The following DLG2 variants were observed in gnomAD, a reference collection of about 807,000 sequenced individuals.
DLG2 encodes discs large MAGUK scaffold protein 2, also known as disks large homolog 2.
Under a neutral mutation model 132.5 loss-of-function variants are expected in DLG2, and 45 were observed. That is an observed-to-expected ratio of 0.34 (90% CI 0.27 to 0.44). DLG2 has a LOEUF of 0.44. DLG2 is among the 20% of genes least tolerant of loss of function. DLG2 has a pLI of 1.00. For missense variants in DLG2, 1,045 were observed against 1,196.9 expected (o/e 0.87, Z 1.87); for synonymous variants, 424 against 419.6 (o/e 1.01, Z -0.13).
chr11:84,582,214 TA>T (rs1390006817), intron 6 of DLG2, among the ~76,000 whole-genome samples: 2 of 151,436 alleles, frequency 1.3e-5, no homozygotes, highest in Non-Finnish European at 2.9e-5. Flanking sequence ...GGCAAGGTAA[TA>T]AAAATTATAC....
chr11:83,753,831 A>G, intron 18 of DLG2, among the ~76,000 whole-genome samples: 1 of 15,242 alleles, frequency 6.6e-5, no homozygotes, highest in African/African-American at 6.2e-4. Flanking sequence ...TTTCATATAT[A>G]TATGATATAT....
chr11:85,582,617 A>C (rs2153229082), intron 3 of DLG2, among the ~76,000 whole-genome samples: 1 of 129,004 alleles, frequency 7.8e-6, no homozygotes, highest in South Asian at 2.8e-4. Flanking sequence ...TGAGGTCAGG[A>C]GTTCGAGACC....
intron 14 of DLG2, among the ~76,000 whole-genome samples, chr11:83,938,246 G>A (rs1356938392): frequency 6.6e-6 from 1 of 152,182 alleles, no homozygotes; most frequent in African/African-American, 2.4e-5. Flanking sequence ...GGGACAGCAG[G>A]AAGTGAAAGC....
chr11:84,371,996 T>G (rs867667412), intron 7 of DLG2, among the ~76,000 whole-genome samples: 2 of 152,242 alleles, frequency 1.3e-5, no homozygotes, highest in South Asian at 2.1e-4. Context: ...CAGATCTTCT[T>G]GTTAGGTGTC....
chr11:84,690,961 A>C (rs1355616161), intron 6 of DLG2, among the ~76,000 whole-genome samples: 1 of 151,892 alleles, frequency 6.6e-6, no homozygotes, highest in African/African-American at 2.4e-5. Context: ...TATAACATTG[A>C]CATAAAGAAA....
intron 6 of DLG2, among the ~76,000 whole-genome samples, chr11:84,907,326 T>C (rs1390851943): frequency 2.6e-5 from 4 of 152,234 alleles, no homozygotes; most frequent in African/African-American, 7.2e-5. Context: ...AATATATATG[T>C]AAAGAAAGAG....
At chr11:83,976,449 G>T (rs2092230946) in intron 12 of DLG2, among the ~76,000 whole-genome samples, 1 of 151,952 alleles carries the variant, frequency 6.6e-6, no homozygotes, top group Non-Finnish European at 1.5e-5. Context: ...TCCTTTGTGG[G>T]AGGAGAGTAG....
Position 85,577,334 on chromosome 11 carries a change from G to A in DLG2, c.40+21323C>T, listed in dbSNP as rs967713833. Among the ~76,000 whole-genome samples the A allele has an allele frequency of 6.6e-5, 10 of 152,128 alleles. No homozygotes were observed. In the South Asian group the frequency reaches 1.7e-3, roughly 25 times the overall value. ...AGATAGTAAGAAATGGTAGGATTCC[G>A]GACTTAACTGGAAATTCTGCCAACA... On this transcript the variant is annotated intron_variant, in intron 3 of 27. Transcript: ENST00000376104.
intron 9 of DLG2, among the ~76,000 whole-genome samples, chr11:84,138,746 C>A (rs2094709957): frequency 6.6e-6 from 1 of 151,956 alleles, no homozygotes; most frequent in African/African-American, 2.4e-5. Flanking sequence ...GTCAGGAGTT[C>A]GAGATGAGCC....
intron 6 of DLG2, among the ~76,000 whole-genome samples, chr11:84,684,578 G>C (rs1184811230): frequency 6.6e-6 from 1 of 152,174 alleles, no homozygotes; most frequent in Non-Finnish European, 1.5e-5. Flanking sequence ...ACCTGAACAT[G>C]TGGGTCAGAT....
intron 21 of DLG2, among the ~76,000 whole-genome samples, chr11:83,498,472 A>T (rs1259008339): frequency 6.6e-6 from 1 of 152,094 alleles, no homozygotes; most frequent in African/African-American, 2.4e-5. Flanking sequence ...CAAAGAAGAA[A>T]TCACAAGAGA....
At chr11:84,096,588 C>G (rs1054132607) in intron 10 of DLG2, among the ~76,000 whole-genome samples, 1 of 151,976 alleles carries the variant, frequency 6.6e-6, no homozygotes, top group African/African-American at 2.4e-5. Context: ...CATCTTGTAG[C>G]TAAACAGAGT....
intron 8 of DLG2, among the ~76,000 whole-genome samples, chr11:84,214,888 G>A (rs1354650092): frequency 6.6e-6 from 1 of 152,094 alleles, no homozygotes; most frequent in African/African-American, 2.4e-5. Flanking sequence ...AGTAGGAAAA[G>A]GTATAAATAT....
intron 7 of DLG2, among the ~76,000 whole-genome samples, chr11:84,469,050 G>C (rs1271766366): frequency 6.6e-6 from 1 of 151,574 alleles, no homozygotes; most frequent in South Asian, 2.1e-4. Context: ...CATATTACTA[G>C]ACAACAGTCA....
chr11:84,558,745 C>T (rs1040073230), intron 6 of DLG2, among the ~76,000 whole-genome samples: 1 of 152,178 alleles, frequency 6.6e-6, no homozygotes, highest in African/African-American at 2.4e-5. Context: ...ACGCCAAATT[C>T]CGTTCAGATG....
At chr11:84,604,579 G>A (rs894927908) in intron 6 of DLG2, among the ~76,000 whole-genome samples, 2 of 151,842 alleles carry the variant, frequency 1.3e-5, no homozygotes, top group Non-Finnish European at 2.9e-5. Flanking sequence ...GAGATGGCAT[G>A]GAACAAAATA....
At chr11:85,573,426 G>A (rs1257635541) in intron 3 of DLG2, among the ~76,000 whole-genome samples, 2 of 152,124 alleles carry the variant, frequency 1.3e-5, no homozygotes, top group African/African-American at 2.4e-5. Context: ...AGGAGTACTG[G>A]GATGGTCAAA....
intron 4 of DLG2, among the ~76,000 whole-genome samples, chr11:85,185,236 ACTCTT>A (rs1374755284): frequency 4.0e-5 from 6 of 151,732 alleles, no homozygotes; most frequent in African/African-American, 9.7e-5. Context: ...TTACCCTTTT[ACTCTT>A]CTCTTAACAA....
At chr11:84,236,693 T>C (rs189674459) in intron 8 of DLG2, among the ~76,000 whole-genome samples, 15 of 152,342 alleles carry the variant, frequency 9.8e-5, no homozygotes, top group South Asian at 4.1e-4. Context: ...AGTTAACAGG[T>C]GGCAGCTCAG....
Sources: gnomAD v4.1 joint callset for allele counts (sites outside exome capture counted in the v4.1 genomes callset) on GRCh38, gnomAD v4.1.1 for gene constraint, MANE v1.5 for transcripts, NCBI Gene and HGNC (gene_info 2026-07-23, HGNC 2026-07-21) for gene names.